Variants in SSBP2 observed in about 807,000 individuals in gnomAD.
SSBP2 encodes the protein single stranded DNA binding protein 2, also known as single-stranded DNA-binding protein 2.
Under a neutral mutation model 61.8 loss-of-function variants are expected in SSBP2, and 17 were observed. That is an observed-to-expected ratio of 0.28 (90% CI 0.19 to 0.41). SSBP2 has a LOEUF of 0.41. Ranked by LOEUF, SSBP2 falls within the 10% of genes least tolerant of loss-of-function variation. The probability of loss-of-function intolerance (pLI) is 1.00; values close to 1 mark genes in which losing one functional copy is unlikely to be tolerated. For missense variants in SSBP2, 310 were observed against 458.7 expected (o/e 0.68, Z 2.96); for synonymous variants, 139 against 141.3 (o/e 0.98, Z 0.12).
At chr5:81,714,807 T>C (rs1261185253) in intron 1 of SSBP2, among the ~76,000 whole-genome samples, 4 of 152,214 alleles carry the variant, frequency 2.6e-5, no homozygotes, top group East Asian at 1.9e-4. Flanking sequence ...CTTTGTCAGA[T>C]GGATAGATTG....
chr5:81,432,539 G>T (rs1044108100), intron 15 of SSBP2, among the ~76,000 whole-genome samples: 1 of 152,160 alleles, frequency 6.6e-6, no homozygotes, highest in African/African-American at 2.4e-5. Context: ...GATGTCAGGA[G>T]TTTGAGACTA....
At chr5:81,434,391 C>T (rs763848049) in intron 15 of SSBP2, among the ~76,000 whole-genome samples, 12 of 151,928 alleles carry the variant, frequency 7.9e-5, no homozygotes, top group Non-Finnish European at 1.5e-4. Flanking sequence ...GGCGCAGTGG[C>T]TCACACCTGT....
At chr5:81,476,426 A>G (rs933623018) in intron 6 of SSBP2, among the ~76,000 whole-genome samples, 5 of 152,126 alleles carry the variant, frequency 3.3e-5, no homozygotes, top group African/African-American at 7.2e-5. Context: ...ATCTATGTCT[A>G]TTCTATCCCT....
intron 5 of SSBP2, among the ~76,000 whole-genome samples, chr5:81,496,707 C>G (rs981879943): frequency 7.2e-6 from 1 of 139,504 alleles, no homozygotes; most frequent in Middle Eastern, 3.5e-3. Flanking sequence ...GGAAGTTTAA[C>G]TTTTTAAAGT....
chr5:81,555,883 C>G lies in SSBP2; in HGVS notation c.283-42166G>C, dbSNP rs1027245486. On this transcript the variant is annotated intron_variant, in intron 4 of 16. Transcript: ENST00000320672. The stretch of plus-strand genomic sequence containing the variant: ...CTCAAAACATTTTTCCAAGTTTTTA[C>G]TGCTTTATTATTCTAGAAAAGAGAT... 1.4e-4 allele frequency among the ~76,000 whole-genome samples: 21 copies of G among 151,974 alleles called. 1 individual carries two copies. The highest frequency in any genetic ancestry group is 2.6e-4 in the Admixed American group (4 of 15,232).
intron 4 of SSBP2, among the ~76,000 whole-genome samples, chr5:81,535,737 C>A (rs1422368360): frequency 6.6e-5 from 10 of 151,950 alleles, no homozygotes; most frequent in Admixed American, 5.9e-4. Flanking sequence ...TAAACACAGA[C>A]CTTACACCCT....
intron 1 of SSBP2, among the ~76,000 whole-genome samples, chr5:81,677,258 C>T (rs1473363918): frequency 1.3e-5 from 2 of 152,132 alleles, no homozygotes; most frequent in Non-Finnish European, 2.9e-5. Context: ...TCTATCCCAA[C>T]AACAAGTAAA....
chr5:81,591,592 AG>A (rs1775507715), intron 4 of SSBP2, among the ~76,000 whole-genome samples: 1 of 152,220 alleles, frequency 6.6e-6, no homozygotes, highest in South Asian at 2.1e-4. Flanking sequence ...AGAAACTGTG[AG>A]AGAAAATAAA....
At chr5:81,741,080 C>G (rs60160270) in intron 1 of SSBP2, among the ~76,000 whole-genome samples, 11,675 of 152,180 alleles carry the variant, frequency 0.077, 1,479 homozygotes, top group African/African-American at 0.27. Flanking sequence ...AGTCAGAAAC[C>G]TGAGTTTGAA....
chr5:81,561,089 T>G (rs13436668), intron 4 of SSBP2, among the ~76,000 whole-genome samples: 39,219 of 151,994 alleles, frequency 0.26, 5,828 homozygotes, highest in African/African-American at 0.42. Flanking sequence ...GAAATTAGTT[T>G]TCTCATTTAC....
At chr5:81,684,705 G>A (rs987109331) in intron 1 of SSBP2, among the ~76,000 whole-genome samples, 2 of 152,160 alleles carry the variant, frequency 1.3e-5, no homozygotes, top group Non-Finnish European at 2.9e-5. Flanking sequence ...TACCCCGACT[G>A]CATCTTGGAG....
At chr5:81,517,989 T>G (rs938923130) in intron 4 of SSBP2, among the ~76,000 whole-genome samples, 4 of 152,056 alleles carry the variant, frequency 2.6e-5, no homozygotes, top group African/African-American at 9.7e-5. Flanking sequence ...AGGATGCAAT[T>G]TATTACTAAA....
rs35721340 is a variant in SSBP2 at position 81,681,519 on chromosome 5, C to CA, written c.63-31181dup. On this transcript the variant is annotated intron_variant, in intron 1 of 16. Transcript: ENST00000320672. ...TAGGCAACAGAGCCAGGCTCCACCT[C>CA]AAAAAAAAAAAAAAAAAGAAAATAC... Among the ~76,000 whole-genome samples the CA allele has an allele frequency of 4.3e-3, 461 of 107,000 alleles. 8 individuals are homozygous for CA. The East Asian group carries it at 0.086, about 20-fold the overall frequency. 70.2% of individuals were successfully genotyped at this position (107,000 alleles called of 152,430 possible).
chr5:81,625,422 A>T (rs1462812451), intron 3 of SSBP2, among the ~76,000 whole-genome samples: 2 of 151,086 alleles, frequency 1.3e-5, no homozygotes, highest in African/African-American at 4.9e-5. Flanking sequence ...CAACTATTAA[A>T]CATGAAAGCA....
chr5:81,438,277 G>C (rs953373423), intron 14 of SSBP2, among the ~76,000 whole-genome samples: 2 of 151,556 alleles, frequency 1.3e-5, no homozygotes, highest in African/African-American at 4.8e-5. Context: ...CTTGAACCTG[G>C]GAGGCAGAGG....
intron 4 of SSBP2, among the ~76,000 whole-genome samples, chr5:81,545,590 C>A (rs1304070671): frequency 6.6e-6 from 1 of 152,120 alleles, no homozygotes; most frequent in Non-Finnish European, 1.5e-5. Context: ...AACTGAGATT[C>A]ATGGAATTCA....
intron 15 of SSBP2, among the ~76,000 whole-genome samples, chr5:81,435,442 C>T (rs1371491549): frequency 6.6e-6 from 1 of 152,188 alleles, no homozygotes; most frequent in Non-Finnish European, 1.5e-5. Context: ...ACCCAGCACA[C>T]ACAAGTACAC....
intron 1 of SSBP2, among the ~76,000 whole-genome samples, chr5:81,677,453 C>G (rs1752067547): frequency 6.6e-6 from 1 of 152,020 alleles, no homozygotes; most frequent in African/African-American, 2.4e-5. Flanking sequence ...GGAATCAGCG[C>G]CAGGGAAGGA....
chr5:81,511,710 T>G (rs1480438795), intron 5 of SSBP2, among the ~76,000 whole-genome samples: 3 of 152,218 alleles, frequency 2.0e-5, no homozygotes, highest in Admixed American at 6.5e-5. Flanking sequence ...AACTTTAAAC[T>G]TTACTCTGTT....
Sources: allele counts gnomAD v4.1 joint callset (sites outside exome capture counted in the v4.1 genomes callset), GRCh38; gene constraint gnomAD v4.1.1; transcripts MANE v1.5; gene names NCBI Gene and HGNC (gene_info 2026-07-23, HGNC 2026-07-21).